The following FGFR4 variants were observed in gnomAD, a reference collection of about 807,000 sequenced individuals.
The protein encoded by FGFR4 is hydroxyaryl-protein kinase.
FGFR4 carries 63 observed loss-of-function variants against 89.9 expected under a neutral mutation model. That is an observed-to-expected ratio of 0.70 (90% CI 0.57 to 0.86). FGFR4 has a LOEUF of 0.86. Ranked by LOEUF, FGFR4 falls within the 40% of genes least tolerant of loss-of-function variation. The probability of loss-of-function intolerance (pLI) is 0.00; values close to 1 mark genes in which losing one functional copy is unlikely to be tolerated. For synonymous variants in FGFR4, 486 were observed against 479.4 expected (o/e 1.01, Z -0.18); for missense variants, 928 against 1,106.7 (o/e 0.84, Z 2.29).
Position 177,090,225 on chromosome 5 carries a change from G to T in FGFR4, c.92-165G>T, listed in dbSNP as rs577678199. 19 of 957,608 alleles carry T rather than the reference G, an allele frequency of 2.0e-5. No homozygotes were observed. In the East Asian group the frequency reaches 4.6e-4, roughly 23 times the overall value. 59.3% of individuals were successfully genotyped at this position (957,608 alleles called of 1,614,324 possible). A position where few individuals can be genotyped will look rare whatever the true frequency, so the allele number is the denominator to read the frequency against. On this transcript the variant is annotated intron_variant, in intron 2 of 17. Coordinates refer to ENST00000292408, the MANE Select transcript of FGFR4 (RefSeq NM_213647.3). ...CCCAAGAGTGTGGCATTTGCCCTGG[G>T]TGTGGCATCCGCAGCATGTGGCTGT...
At position 177,089,356 on chromosome 5, in the gene FGFR4, C is replaced by T. The variant is rs535145573; in HGVS notation, c.-53-194C>T. On this transcript the variant is annotated intron_variant, in intron 1 of 17. Transcript: ENST00000292408. ...CAGGAAGCCCAGCCCAGACCCCTTGCACAACCTACCGTGGGGAGGCCTTAG... is the reference window on the plus strand; with the variant it reads ...CAGGAAGCCCAGCCCAGACCCCTTGTACAACCTACCGTGGGGAGGCCTTAG... 2.0e-5 allele frequency among the ~76,000 whole-genome samples: 3 copies of T among 152,318 alleles called. No homozygotes were observed. In the East Asian group the frequency reaches 5.8e-4, roughly 29 times the overall value.
In FGFR4 at chr5:177,093,831, T is replaced by A. The variant is rs1784457414; in HGVS notation, c.1519+56T>A. ...CTGTAACGCCAGCACTTTAGGAGGC[T>A]GAGGGTGGGAGGATCGCTTGAATCC... On this transcript the variant is annotated intron_variant, in intron 11 of 17. Transcript: ENST00000292408. The surrounding 1 kb of genome is among the most constrained non-coding windows in gnomAD (Gnocchi z 5.8). 6.4e-7 allele frequency: 1 copy of A among 1,565,924 alleles called. No homozygotes were observed. The highest frequency in any genetic ancestry group is 2.3e-5 in the East Asian group (1 of 43,488).
rs1581064140 is a variant in FGFR4, at chr5:177,097,773, C to G, written c.*97C>G. The G allele has an allele frequency of 6.8e-7, 1 of 1,468,374 alleles. No individual in the cohort carries two copies. Among genetic ancestry groups the G allele is most frequent in the East Asian group, 2.3e-5 (1 of 42,926 alleles). 91.0% of individuals were successfully genotyped at this position (1,468,374 alleles called of 1,614,324 possible). A position where few individuals can be genotyped will look rare whatever the true frequency, so the allele number is the denominator to read the frequency against. On this transcript the variant is annotated 3_prime_UTR_variant, in exon 18 of 18. Transcript: ENST00000292408. ...AGTGCTCGACCTTGATAGCATGGGG[C>G]CCCTGGCCCAGAGTTGCTGTGCCGT...
rs1166961756 is a variant in FGFR4, at chr5:177,093,670, C to A, written c.1414C>A (p.Pro472Thr). ...CATCTCCAGGCTGGTGCTTGGGAAG[C>A]CCCTAGGCGAGGGCTGCTTTGGCCA... ...FPRDRLVLGK[P>T]LGEGCFGQVV... Residue 472 changes from proline to threonine, a missense_variant, in exon 11 of 18, where the codon CCC (proline) becomes ACC (threonine). Transcript: ENST00000292408. The surrounding 1 kb of genome is among the most constrained non-coding windows in gnomAD (Gnocchi z 5.8). 6.2e-7 allele frequency: 1 copy of A among 1,614,204 alleles called. No homozygotes were observed.
At chr5:177,092,598 T>G (rs1356138223) in intron 7 of FGFR4, 48 bp from the exon 8 acceptor site, 2 of 1,576,424 alleles carry the variant, frequency 1.3e-6, no homozygotes, top group Non-Finnish European at 1.7e-6. Context: ...TTGGCCACAG[T>G]GTGGCCCCAG....
At chr5:177,090,282 A>G (rs1246948354) in intron 2 of FGFR4, 108 bp from the exon 3 acceptor site, 24 of 1,522,800 alleles carry the variant, frequency 1.6e-5, no homozygotes, top group Non-Finnish European at 2.2e-5. Context: ...CTCCTTCAGC[A>G]TGCGTTGCAA....
Position 177,091,735 on chromosome 5 carries a change from C to G in FGFR4, c.654C>G (p.Asp218Glu). Residue 218 changes from aspartate to glutamate, a missense_variant, in exon 6 of 18, where the codon GAC becomes GAG. Transcript: ENST00000292408. ...TGATGGAGAGCGTGGTGCCCTCGGA[C>G]CGCGGCACATACACCTGCCTGGTAG... is the stretch of plus-strand genomic sequence containing the variant. The part of the protein sequence containing the change: ...SLVMESVVPS[D>E]RGTYTCLVEN... The G allele has an allele frequency of 6.2e-7, 1 of 1,614,232 alleles. No homozygotes were observed. Among genetic ancestry groups the G allele is most frequent in the Non-Finnish European group, 8.5e-7 (1 of 1,180,046 alleles).
rs1220305936 is a variant in FGFR4, at chr5:177,091,076, A to G, written c.575A>G (p.His192Arg). The change falls in exon 5 of 18, where the codon CAT (histidine) becomes CGT (arginine). Residue 192 changes from histidine to arginine, a missense_variant. Physicochemically the swap from His to Arg is conservative, Grantham distance 29. Coordinates refer to ENST00000292408, the MANE Select transcript of FGFR4 (RefSeq NM_213647.3). ...TGGCTTAAGGATGGACAGGCCTTTC[A>G]TGGGGAGAACCGCATTGGAGGCATT... Reference protein sequence around the residue: ...IRWLKDGQAFHGENRIGGIRL... With the variant: ...IRWLKDGQAFRGENRIGGIRL... 17 of 1,595,050 alleles carry G rather than the reference A, an allele frequency of 1.1e-5. No individual in the cohort carries two copies. Among genetic ancestry groups the G allele is most frequent in the Non-Finnish European group, 1.4e-5 (16 of 1,165,076 alleles).
In FGFR4 at chr5:177,097,369, A is replaced by T. The variant is rs763759469; in HGVS notation, c.2231A>T (p.Asp744Val). The T allele has an allele frequency of 9.9e-6, 16 of 1,612,046 alleles. No individual in the cohort carries two copies. In the African/African-American group the frequency reaches 2.1e-4, roughly 22 times the overall value. Residue 744 changes from aspartate (D) to valine (V), a missense_variant, in exon 17 of 18, where the codon GAC becomes GTC. Around this residue, in one of 5 missense-constraint regions of FGFR4, gnomAD observed 129 missense variants for 150.8 expected, o/e 0.86. Coordinates refer to ENST00000292408, the MANE Select transcript of FGFR4 (RefSeq NM_213647.3). ...PTFKQLVEAL[D>V]KVLLAVSEEY... ...TTCAAGCAGCTGGTGGAGGCGCTGG[A>T]CAAGGTCCTGCTGGCCGTCTCTGAG...
rs1357379967 is a variant in FGFR4, at chr5:177,091,760, G to A, written c.679G>A (p.Glu227Lys). 2 of 1,614,138 alleles carry A rather than the reference G, an allele frequency of 1.2e-6. No individual in the cohort carries two copies. Among genetic ancestry groups the A allele is most frequent in the African/African-American group, 2.7e-5 (2 of 74,952 alleles). The change falls in exon 6 of 18, where the codon GAG (glutamate) becomes AAG (lysine). Residue 227 changes from glutamate to lysine, a missense_variant. Glu to Lys is a moderately conservative substitution (Grantham distance 56). Transcript: ENST00000292408. Reference sequence around the variant, plus strand: ...CCGCGGCACATACACCTGCCTGGTAGAGAACGCTGTGGGCAGCATCCGCTA... The same window carrying A: ...CCGCGGCACATACACCTGCCTGGTAAAGAACGCTGTGGGCAGCATCCGCTA... ...SDRGTYTCLVENAVGSIRYNY... is the reference protein window; with the variant it reads ...SDRGTYTCLVKNAVGSIRYNY...
Position 177,096,137 on chromosome 5 carries a change from C to T in FGFR4, c.1902C>T (p.Ala634=), listed in dbSNP as rs757754955. Residue 634 remains alanine (A), a synonymous_variant, in exon 14 of 18, where the codon GCC becomes GCT. Transcript: ENST00000292408. The part of the protein sequence containing the change: ...NVMKIADFGL[A]RGVHHIDYYK... ...TGAAGATTGCTGACTTTGGGCTGGC[C>T]CGCGGCGTCCACCACATTGACTACT... 2 of 1,614,154 alleles carry T rather than the reference C, an allele frequency of 1.2e-6. No homozygotes were observed. Among genetic ancestry groups the T allele is most frequent in the East Asian group, 2.2e-5 (1 of 44,882 alleles).
intron 7 of FGFR4, 37 bp downstream of exon 7, chr5:177,092,548 C>T: frequency 6.4e-7 from 1 of 1,561,752 alleles, no homozygotes; most frequent in Non-Finnish European, 8.7e-7. Context: ...GGGCCCCATT[C>T]TTCTCCCACC....
chr5:177,096,569 C>T (rs761465144), intron 15 of FGFR4, 35 bp from the exon 16 acceptor site: 35 of 1,610,770 alleles, frequency 2.2e-5, no homozygotes, highest in Admixed American at 1.3e-4. Context: ...GTCGGGAGGG[C>T]GCTGAGCCAC....
chr5:177,090,316 G>C (rs748301663), intron 2 of FGFR4, 74 bp from the exon 3 acceptor site: 1 of 1,594,796 alleles, frequency 6.3e-7, no homozygotes, highest in Non-Finnish European at 8.5e-7. Context: ...TGCATGTGCG[G>C]TGTGTTCTTT....
At position 177,093,522 on chromosome 5, in the gene FGFR4, C is replaced by T. The variant is rs201925633; in HGVS notation, c.1368C>T (p.Leu456=). ...GCCTCGTGAGTCTAGATCTACCTCT[C>T]GACCCACTATGGGAGTTCCCCCGGG... The part of the protein sequence containing the change: ...LAGLVSLDLP[L]DPLWEFPRDR... The change falls in exon 10 of 18, where the codon CTC becomes CTT. Residue 456 remains leucine, a synonymous_variant. Transcript: ENST00000292408. This position sits in a 1 kb window ranked among gnomAD's most constrained non-coding sequence, Gnocchi z 5.8. The T allele has an allele frequency of 6.8e-6, 11 of 1,613,772 alleles. No homozygotes were observed. The highest frequency in any genetic ancestry group is 6.8e-6 in the Non-Finnish European group (8 of 1,180,020).
rs145751771 is a variant in FGFR4, at chr5:177,093,454, C to T, written c.1300C>T (p.Arg434Ter). 12 of 1,614,086 alleles carry T rather than the reference C, an allele frequency of 7.4e-6. No individual in the cohort carries two copies. The highest frequency in any genetic ancestry group is 9.3e-6 in the Non-Finnish European group (11 of 1,180,008). Residue 434 changes from arginine to a stop codon, truncating the protein, a stop_gained, in exon 10 of 18, where the codon CGA becomes TGA. Coordinates refer to ENST00000292408, the MANE Select transcript of FGFR4 (RefSeq NM_213647.3). LOFTEE classifies it high-confidence loss of function. This position sits in a 1 kb window ranked among gnomAD's most constrained non-coding sequence, Gnocchi z 5.8. ...CGGCAAGTCAAGCTCATCCCTGGTA[C>T]GAGGCGTGCGTCTCTCCTCCAGCGG... ...SSGKSSSSLV[R>*]GVRLSSSGPA...
Position 177,095,511 on chromosome 5 carries a change from G to A in FGFR4, c.1631-22G>A, listed in dbSNP as rs771231214. On this transcript the variant is annotated intron_variant, in intron 12 of 17. Coordinates refer to ENST00000292408, the MANE Select transcript of FGFR4 (RefSeq NM_213647.3). This position sits in a 1 kb window ranked among gnomAD's most constrained non-coding sequence, Gnocchi z 5.7. ...GCCAAAGCTTTGGCAGCCTCTCCAC[G>A]CTCCCTCCACTCCCTCTGCAGGGCC... The A allele has an allele frequency of 5.8e-5, 93 of 1,611,802 alleles. No individual in the cohort carries two copies. Among genetic ancestry groups the A allele is most frequent in the South Asian group, 3.0e-4 (27 of 90,930 alleles).
chr5:177,096,248 C>G, intron 14 of FGFR4, 39 bp from the exon 15 acceptor site: 1 of 1,613,758 alleles, frequency 6.2e-7, no homozygotes, highest in East Asian at 2.2e-5. Flanking sequence ...GGCACGAGGA[C>G]CTGTGGGACT....
chr5:177,095,807 C>T lies in FGFR4; in HGVS notation c.1821+84C>T. On this transcript the variant is annotated intron_variant, in intron 13 of 17. Transcript: ENST00000292408. This position sits in a 1 kb window ranked among gnomAD's most constrained non-coding sequence, Gnocchi z 5.7. The stretch of plus-strand genomic sequence containing the variant: ...TGGCATTCAATGTCCCGACTTCTCC[C>T]TCTCTGCTCTTTTTCATGACCCCAC... The T allele has an allele frequency of 7.2e-7, 1 of 1,384,522 alleles. No individual in the cohort carries two copies. Among genetic ancestry groups the T allele is most frequent in the South Asian group, 1.5e-5 (1 of 67,352 alleles). The allele number at this position is 1,384,522 out of a possible 1,614,324, so 85.8% of individuals were successfully genotyped here. A position where few individuals can be genotyped will look rare whatever the true frequency, so the allele number is the denominator to read the frequency against.
Sources: allele counts gnomAD v4.1 joint callset (sites outside exome capture counted in the v4.1 genomes callset), GRCh38; gene constraint gnomAD v4.1.1; regional missense constraint gnomAD v4.1.1; non-coding constraint Gnocchi (gnomAD v3.1); transcripts MANE v1.5; gene names NCBI Gene and HGNC (gene_info 2026-07-23, HGNC 2026-07-21).